Variants in USP12 observed in about 807,000 individuals in gnomAD.
USP12 encodes the protein ubiquitin carboxyl-terminal hydrolase 12.
Under a neutral mutation model 45.5 loss-of-function variants are expected in USP12, and 19 were observed. The ratio of observed to expected loss-of-function variants is 0.42; its 90% CI spans 0.29 to 0.61. The LOEUF (loss-of-function observed/expected upper bound fraction) is 0.61. Among genes scored for constraint, USP12 ranks in the 20% least tolerant of loss-of-function variants. The probability of loss-of-function intolerance (pLI) is 0.22; values close to 1 mark genes in which losing one functional copy is unlikely to be tolerated. For missense variants in USP12, 242 were observed against 447.7 expected (o/e 0.54, Z 4.15); for synonymous variants, 149 against 148.8 (o/e 1.00, Z -0.01).
chr13:27,116,627 T>C, intron 1 of USP12, 31 bp from the exon 2 acceptor site: 1 of 1,602,344 alleles, frequency 6.2e-7, no homozygotes, highest in Non-Finnish European at 8.5e-7. Flanking sequence ...ATCTTAGTAT[T>C]TATAGTAGTC....
At chr13:27,155,904 T>C (rs1286419223) in intron 1 of USP12, among the ~76,000 whole-genome samples, 2 of 152,174 alleles carry the variant, frequency 1.3e-5, no homozygotes, top group African/African-American at 4.8e-5. Context: ...ATGTAAAAAG[T>C]TTATTTCTAT....
chr13:27,170,877 G>C (rs1878562077), intron 1 of USP12, among the ~76,000 whole-genome samples: 1 of 152,234 alleles, frequency 6.6e-6, no homozygotes, highest in South Asian at 2.1e-4. Context: ...GGAAACGGGA[G>C]AGCTCGTGCC....
intron 3 of USP12, among the ~76,000 whole-genome samples, chr13:27,099,421 A>G (rs542298246): frequency 1.3e-5 from 2 of 152,260 alleles, no homozygotes; most frequent in African/African-American, 4.8e-5. Context: ...CCTAGGCTCA[A>G]GCAATCTGCC....
At chr13:27,132,058 A>G (rs985627511) in intron 1 of USP12, among the ~76,000 whole-genome samples, 1 of 152,234 alleles carries the variant, frequency 6.6e-6, no homozygotes, top group African/African-American at 2.4e-5. Flanking sequence ...ACCAATTCTC[A>G]TATAGCACGT....
At chr13:27,128,743 C>A (rs1380499740) in intron 1 of USP12, among the ~76,000 whole-genome samples, 1 of 152,190 alleles carries the variant, frequency 6.6e-6, no homozygotes, top group Non-Finnish European at 1.5e-5. Flanking sequence ...CCTTCAGACA[C>A]CTGACTTGGA....
At chr13:27,148,936 A>G (rs1877444415) in intron 1 of USP12, among the ~76,000 whole-genome samples, 1 of 151,906 alleles carries the variant, frequency 6.6e-6, no homozygotes, top group South Asian at 2.1e-4. Flanking sequence ...TGTAATCCCA[A>G]TGCTTTGGGA....
chr13:27,094,950 C>G (rs775061444), intron 4 of USP12, among the ~76,000 whole-genome samples: 1 of 147,958 alleles, frequency 6.8e-6, no homozygotes, highest in Admixed American at 6.7e-5. Flanking sequence ...GAGTTCAAGA[C>G]CAGCCTGAGC....
At chr13:27,092,623 T>A (rs1033110563) in intron 4 of USP12, among the ~76,000 whole-genome samples, 4 of 152,200 alleles carry the variant, frequency 2.6e-5, no homozygotes, top group African/African-American at 9.6e-5. Flanking sequence ...GAGAAAGAAT[T>A]GTCTTTTAAA....
intron 1 of USP12, among the ~76,000 whole-genome samples, chr13:27,164,873 G>A (rs1175942937): frequency 7.2e-5 from 11 of 152,068 alleles, no homozygotes; most frequent in Non-Finnish European, 1.3e-4. Context: ...AGCAAGGTGG[G>A]TAAGTTCAAT....
chr13:27,117,780 T>C (rs768446887), intron 1 of USP12: 3 of 518,124 alleles, frequency 5.8e-6, no homozygotes, highest in African/African-American at 3.9e-5. Context: ...CAGACAATCA[T>C]AGCGTGTCAC....
At chr13:27,152,024 G>C (rs1357148551) in intron 1 of USP12, among the ~76,000 whole-genome samples, 1 of 152,132 alleles carries the variant, frequency 6.6e-6, no homozygotes, top group Non-Finnish European at 1.5e-5. Flanking sequence ...TGGGGATGCA[G>C]AGAAATGGGA....
intron 1 of USP12, among the ~76,000 whole-genome samples, chr13:27,140,147 C>T (rs1176048640): frequency 1.3e-5 from 2 of 151,958 alleles, no homozygotes; most frequent in East Asian, 3.8e-4. Flanking sequence ...TTTTTTTTCC[C>T]TACGTGTTTT....
Position 27,089,863 on chromosome 13 carries a change from C to T in USP12, c.734+20G>A. 1 of 1,605,186 alleles carries T rather than the reference C, an allele frequency of 6.2e-7. No individual in the cohort carries two copies. Among genetic ancestry groups the T allele is most frequent in the Non-Finnish European group, 8.5e-7 (1 of 1,176,614 alleles). On this transcript the variant is annotated intron_variant, in intron 6 of 8. Transcript: ENST00000282344. ...ACAAAAAATAAAATCACTTAAAAAT[C>T]CATAAAGCTCTAAAATTACCGTTTG... is the stretch of plus-strand genomic sequence containing the variant.
chr13:27,070,489 A>G (rs1352278320), intron 8 of USP12, among the ~76,000 whole-genome samples: 2 of 150,568 alleles, frequency 1.3e-5, no homozygotes, highest in Non-Finnish European at 2.9e-5. Flanking sequence ...TACTGTATGT[A>G]TGTTACATGG....
intron 1 of USP12, among the ~76,000 whole-genome samples, 175 bp downstream of exon 1, chr13:27,171,417 C>T (rs1878601829): frequency 6.8e-6 from 1 of 146,040 alleles, no homozygotes; most frequent in Non-Finnish European, 1.5e-5. Context: ...CTCACCCCCG[C>T]GCTCCCCGCC....
intron 6 of USP12, among the ~76,000 whole-genome samples, chr13:27,085,746 G>A (rs1873980862): frequency 6.6e-6 from 1 of 151,808 alleles, no homozygotes; most frequent in Non-Finnish European, 1.5e-5. Context: ...AAAAATATGT[G>A]GGGAATATGT....
intron 3 of USP12, among the ~76,000 whole-genome samples, chr13:27,102,753 C>T (rs1333830467): frequency 6.6e-6 from 1 of 152,222 alleles, no homozygotes; most frequent in Non-Finnish European, 1.5e-5. Context: ...GACAGTGACA[C>T]ATTACATCAC....
intron 1 of USP12, among the ~76,000 whole-genome samples, chr13:27,126,487 G>C (rs368246216): frequency 6.6e-6 from 1 of 152,160 alleles, no homozygotes; most frequent in Admixed American, 6.5e-5. Flanking sequence ...TTTCATTATA[G>C]CTTTTCATGT....
At chr13:27,077,145 T>C (rs528390120) in intron 6 of USP12, 1 of 152,282 alleles carries the variant, frequency 6.6e-6, no homozygotes, top group East Asian at 1.9e-4. Flanking sequence ...TGAAAGTTTC[T>C]AGGTGACATA....
Sources: allele counts gnomAD v4.1 joint callset (sites outside exome capture counted in the v4.1 genomes callset), GRCh38; gene constraint gnomAD v4.1.1; transcripts MANE v1.5; gene names NCBI Gene and HGNC (gene_info 2026-07-23, HGNC 2026-07-21).